TFDP2: variants seen among roughly 807,000 people sequenced by gnomAD.
TFDP2 encodes transcription factor Dp-2 (E2F dimerization partner 2).
Under a neutral mutation model 59.3 loss-of-function variants are expected in TFDP2, and 17 were observed. The ratio of observed to expected loss-of-function variants is 0.29; its 90% CI spans 0.20 to 0.43. The LOEUF is 0.43. Ranked by LOEUF, TFDP2 falls within the 20% of genes least tolerant of loss-of-function variation. The pLI is 1.00. For synonymous variants in TFDP2, 180 were observed against 194.7 expected (o/e 0.92, Z 0.63); for missense variants, 391 against 528.8 (o/e 0.74, Z 2.56).
Position 142,086,058 on chromosome 3 carries a change from T to C in TFDP2, c.82+7003A>G, listed in dbSNP as rs555066025. ...TCTTCCGCCCTTGTTCTTTTTCACC[T>C]GGATTTGGTGGTAACTTCTGAGAAC... On this transcript the variant is annotated intron_variant, in intron 3 of 12. Coordinates refer to ENST00000489671, the MANE Select transcript of TFDP2 (RefSeq NM_001178139.2). Among the ~76,000 whole-genome samples the C allele has an allele frequency of 1.6e-3, 248 of 152,316 alleles. 1 individual carries two copies. Among genetic ancestry groups the C allele is most frequent in the Non-Finnish European group, 2.8e-3 (188 of 68,024 alleles).
intron 11 of TFDP2, among the ~76,000 whole-genome samples, chr3:141,954,817 C>G (rs1373055723): frequency 6.6e-6 from 1 of 152,062 alleles, no homozygotes; most frequent in East Asian, 1.9e-4. Context: ...GAATCAAAAT[C>G]TTTTTGCAAT....
chr3:142,012,423 C>A (rs1944797648), intron 3 of TFDP2, among the ~76,000 whole-genome samples: 1 of 152,140 alleles, frequency 6.6e-6, no homozygotes, highest in African/African-American at 2.4e-5. Flanking sequence ...ATGGGCATAC[C>A]CTCTGACTAG....
intron 1 of TFDP2, among the ~76,000 whole-genome samples, chr3:142,141,552 T>C (rs1182199930): frequency 6.6e-6 from 1 of 152,086 alleles, no homozygotes; most frequent in Admixed American, 6.5e-5. Context: ...AGGCCAGGTG[T>C]GGTGGGTTAA....
intron 1 of TFDP2, among the ~76,000 whole-genome samples, chr3:142,113,236 G>T (rs980414558): frequency 6.7e-6 from 1 of 149,042 alleles, no homozygotes; most frequent in African/African-American, 2.4e-5. Context: ...ATCAAAACAA[G>T]CTAGATGACA....
chr3:142,031,069 C>G (rs1560064876), intron 3 of TFDP2, among the ~76,000 whole-genome samples: 1 of 152,164 alleles, frequency 6.6e-6, no homozygotes, highest in East Asian at 1.9e-4. Flanking sequence ...AATAGGAGAG[C>G]ACCCCCCCGG....
chr3:142,018,816 A>G (rs1354550761), intron 3 of TFDP2, among the ~76,000 whole-genome samples: 3 of 151,264 alleles, frequency 2.0e-5, no homozygotes, highest in Admixed American at 1.3e-4. Context: ...TTTTGGTCTT[A>G]TTTTGGTTTT....
At chr3:142,039,839 A>G (rs1946873454) in intron 3 of TFDP2, among the ~76,000 whole-genome samples, 1 of 152,148 alleles carries the variant, frequency 6.6e-6, no homozygotes, top group Non-Finnish European at 1.5e-5. Context: ...GAAAGCCAAC[A>G]GTGGAACAGA....
At position 142,093,213 on chromosome 3, in the gene TFDP2, C is replaced by A. The variant is rs191109726; in HGVS notation, c.16-86G>T. 154 of 788,314 alleles carry A rather than the reference C, an allele frequency of 2.0e-4. No individual in the cohort carries two copies. In the East Asian group the frequency reaches 4.2e-3, roughly 22 times the overall value. 48.8% of individuals were successfully genotyped at this position (788,314 alleles called of 1,614,324 possible). A position where few individuals can be genotyped will look rare whatever the true frequency, so the allele number is the denominator to read the frequency against. ...AAGCTATTTTATATCTTCCATCAGACATCCATATCAAATATATATAGCCAC... is the reference window on the plus strand; with the variant it reads ...AAGCTATTTTATATCTTCCATCAGAAATCCATATCAAATATATATAGCCAC... On this transcript the variant is annotated intron_variant, in intron 2 of 12. Coordinates refer to ENST00000489671, the MANE Select transcript of TFDP2 (RefSeq NM_001178139.2).
chr3:142,090,272 T>C (rs1267743123), intron 3 of TFDP2, among the ~76,000 whole-genome samples: 4 of 152,142 alleles, frequency 2.6e-5, no homozygotes, highest in African/African-American at 9.7e-5. Flanking sequence ...AGCAAAACCC[T>C]GTCTCAAAAA....
chr3:142,000,228 A>T (rs1286763093), intron 4 of TFDP2: 1 of 699,910 alleles, frequency 1.4e-6, no homozygotes, highest in Non-Finnish European at 2.6e-6. Flanking sequence ...GGTAATTTAC[A>T]AACCACAGAA....
intron 3 of TFDP2, among the ~76,000 whole-genome samples, chr3:142,061,645 G>C (rs563936784): frequency 1.3e-5 from 2 of 152,134 alleles, no homozygotes; most frequent in African/African-American, 4.8e-5. Flanking sequence ...TGGCACACTG[G>C]TTCTGAGGCC....
chr3:142,016,973 C>T (rs1440318497), intron 3 of TFDP2, among the ~76,000 whole-genome samples: 1 of 152,190 alleles, frequency 6.6e-6, no homozygotes, highest in Non-Finnish European at 1.5e-5. Context: ...GACCTCTTTG[C>T]TGTTCTTCAA....
intron 1 of TFDP2, among the ~76,000 whole-genome samples, chr3:142,114,838 T>C (rs2061793323): frequency 6.6e-6 from 1 of 152,176 alleles, no homozygotes; most frequent in Non-Finnish European, 1.5e-5. Context: ...CACTTTCAGG[T>C]ACATGTATAT....
At chr3:142,011,784 T>C (rs953183312) in intron 3 of TFDP2, among the ~76,000 whole-genome samples, 6 of 152,072 alleles carry the variant, frequency 3.9e-5, no homozygotes, top group Admixed American at 3.9e-4. Context: ...TACTATTCTA[T>C]GTCAAGAACT....
At chr3:141,991,292 T>A (rs1218161401) in intron 6 of TFDP2, among the ~76,000 whole-genome samples, 2 of 152,216 alleles carry the variant, frequency 1.3e-5, no homozygotes, top group African/African-American at 2.4e-5. Flanking sequence ...TAGTATTGTA[T>A]CTCAAGTATA....
intron 3 of TFDP2, among the ~76,000 whole-genome samples, chr3:142,011,658 TA>T (rs1180631805): frequency 1.3e-5 from 2 of 150,828 alleles, no homozygotes; most frequent in African/African-American, 4.9e-5. Context: ...CAAACTTTTT[TA>T]AAAAGGAAAC....
At chr3:142,071,437 C>T (rs375392258) in intron 3 of TFDP2, among the ~76,000 whole-genome samples, 9 of 152,254 alleles carry the variant, frequency 5.9e-5, no homozygotes, top group African/African-American at 1.7e-4. Context: ...GGAATACACG[C>T]GTGAGCCACC....
At chr3:142,086,090 C>CCT (rs2108597413) in intron 3 of TFDP2, among the ~76,000 whole-genome samples, 1 of 152,226 alleles carries the variant, frequency 6.6e-6, no homozygotes, top group East Asian at 1.9e-4. Context: ...GAACTTACTG[C>CCT]CTCTCTCTCT....
rs1338426097 is a variant in TFDP2 at position 141,968,937 on chromosome 3, CA to C, written c.732+1135del. On this transcript the variant is annotated intron_variant, in intron 9 of 12. Transcript: ENST00000489671. Reference sequence around the variant, plus strand: ...AGATATATATAACACATATATATCTCATATATATAGATATATATAACACATA... The same window carrying C: ...AGATATATATAACACATATATATCTCTATATATAGATATATATAACACATA... Among the ~76,000 whole-genome samples, 5 of 93,566 alleles carry C rather than the reference CA, an allele frequency of 5.3e-5. No homozygotes were observed. The East Asian group carries it at 1.1e-3, about 21-fold the overall frequency. 61.4% of individuals were successfully genotyped at this position (93,566 alleles called of 152,430 possible). A position where few individuals can be genotyped will look rare whatever the true frequency, so the allele number is the denominator to read the frequency against.
Sources: allele counts gnomAD v4.1 joint callset (sites outside exome capture counted in the v4.1 genomes callset), GRCh38; gene constraint gnomAD v4.1.1; transcripts MANE v1.5; gene names NCBI Gene and HGNC (gene_info 2026-07-23, HGNC 2026-07-21).